GCNT2: variants seen among roughly 807,000 people sequenced by gnomAD.
The protein encoded by GCNT2 is N-acetyllactosaminide beta-1,6-N-acetylglucosaminyl-transferase.
Under a neutral mutation model 34.2 loss-of-function variants are expected in GCNT2, and 34 were observed. The observed-to-expected ratio is 1.00, with a 90% CI of 0.76 to 1.32. GCNT2 has a LOEUF of 1.32. GCNT2 is among the 40% of genes most tolerant of loss of function. GCNT2 has a pLI of 0.00. For synonymous variants in GCNT2, 212 were observed against 188.0 expected (o/e 1.13, Z -1.04); for missense variants, 584 against 489.4 (o/e 1.19, Z -1.82).
intron 3 of GCNT2, among the ~76,000 whole-genome samples, chr6:10,551,488 C>T (rs1438816221): frequency 6.6e-6 from 1 of 150,604 alleles, no homozygotes. Context: ...CTCCGTTGCC[C>T]AGGCTGGAGT....
At chr6:10,583,480 C>G (rs1764211372) in intron 3 of GCNT2, among the ~76,000 whole-genome samples, 1 of 152,100 alleles carries the variant, frequency 6.6e-6, no homozygotes, top group South Asian at 2.1e-4. Flanking sequence ...GTTAATTTCT[C>G]CCTTGGAAGT....
chr6:10,626,579 C>T lies in GCNT2; in HGVS notation c.1181C>T (p.Thr394Ile). 1 of 1,613,790 alleles carries T rather than the reference C, an allele frequency of 6.2e-7. No homozygotes were observed. The highest frequency in any genetic ancestry group is 8.5e-7 in the Non-Finnish European group (1 of 1,179,714). The change falls in exon 5 of 5, where the codon ACT becomes ATT. Residue 394 changes from threonine to isoleucine, a missense_variant. By Grantham distance (89) the Thr-to-Ile change is moderately conservative (BLOSUM62 -1). Transcript: ENST00000495262. ...GAAAGAACCCTCAATCAGAGTGAAACTGCGATACAACCCAGCTGGTATTTT... is the reference window on the plus strand; with the variant it reads ...GAAAGAACCCTCAATCAGAGTGAAATTGCGATACAACCCAGCTGGTATTTT... ...HRERTLNQSE[T>I]AIQPSWYF
chr6:10,621,591 A>G, intron 4 of GCNT2, 148 bp downstream of exon 4: 1 of 681,158 alleles, frequency 1.5e-6, no homozygotes, highest in Non-Finnish European at 2.7e-6. Flanking sequence ...GCTTCAAGAC[A>G]CAGTCCTTCA....
chr6:10,588,118 T>TA (rs1764437485), intron 3 of GCNT2, among the ~76,000 whole-genome samples: 1 of 152,076 alleles, frequency 6.6e-6, no homozygotes, highest in South Asian at 2.1e-4. Flanking sequence ...AAAATCTACT[T>TA]AGAGAGGGAC....
chr6:10,596,775 T>A (rs1051389478), intron 3 of GCNT2, among the ~76,000 whole-genome samples: 3 of 152,076 alleles, frequency 2.0e-5, no homozygotes, highest in South Asian at 4.1e-4. Flanking sequence ...TGTTTGAATA[T>A]AGAATTGACA....
At chr6:10,592,521 C>T (rs1764693842) in intron 3 of GCNT2, among the ~76,000 whole-genome samples, 1 of 152,052 alleles carries the variant, frequency 6.6e-6, no homozygotes, top group Admixed American at 6.6e-5. Flanking sequence ...AAACCTTAGG[C>T]AGGTTATAAA....
intron 3 of GCNT2, among the ~76,000 whole-genome samples, chr6:10,553,205 G>A (rs1762554639): frequency 6.6e-6 from 1 of 152,208 alleles, no homozygotes; most frequent in African/African-American, 2.4e-5. Flanking sequence ...ATGCAGGAGG[G>A]AATGTGTACA....
intron 3 of GCNT2, among the ~76,000 whole-genome samples, chr6:10,591,928 A>ATC (rs1764664692): frequency 6.6e-6 from 1 of 152,030 alleles, no homozygotes; most frequent in Non-Finnish European, 1.5e-5. Context: ...GGTGTGGCTG[A>ATC]ATCAGTCCCA....
At chr6:10,608,741 G>A (rs1298390763) in intron 3 of GCNT2, among the ~76,000 whole-genome samples, 1 of 152,210 alleles carries the variant, frequency 6.6e-6, no homozygotes, top group Non-Finnish European at 1.5e-5. Flanking sequence ...ACAAGGTTGA[G>A]CATGTTTTCT....
chr6:10,545,386 AAACT>A (rs1762227157), intron 3 of GCNT2, among the ~76,000 whole-genome samples: 1 of 152,088 alleles, frequency 6.6e-6, no homozygotes, highest in African/African-American at 2.4e-5. Flanking sequence ...AAGCCAGCTC[AAACT>A]TCCTTAGTGA....
intron 3 of GCNT2, among the ~76,000 whole-genome samples, chr6:10,575,875 G>T (rs533838830): frequency 6.6e-6 from 1 of 152,044 alleles, no homozygotes; most frequent in Admixed American, 6.5e-5. Context: ...GCCCGCCAGA[G>T]AACAAACCCC....
intron 3 of GCNT2, among the ~76,000 whole-genome samples, chr6:10,552,220 G>A (rs867619886): frequency 6.6e-6 from 1 of 151,960 alleles, no homozygotes; most frequent in Non-Finnish European, 1.5e-5. Context: ...TCTTTGTTAC[G>A]GGAGGATTGT....
chr6:10,537,632 C>T lies in GCNT2; in HGVS notation c.925+7796C>T, dbSNP rs764891927. Among the ~76,000 whole-genome samples the T allele has an allele frequency of 5.9e-4, 76 of 128,226 alleles. 1 individual carries two copies. Among genetic ancestry groups the T allele is most frequent in the Admixed American group, 1.9e-4 (2 of 10,416 alleles). 84.1% of individuals were successfully genotyped at this position (128,226 alleles called of 152,430 possible). A position where few individuals can be genotyped will look rare whatever the true frequency, so the allele number is the denominator to read the frequency against. ...AGGGGAATCGCTTAAACCCGGGAGG[C>T]GGAGGTTGCAGTGAGCCGAGATTGT... On this transcript the variant is annotated intron_variant, in intron 3 of 4. Coordinates refer to ENST00000495262, the MANE Select transcript of GCNT2 (RefSeq NM_145649.5).
intron 3 of GCNT2, among the ~76,000 whole-genome samples, chr6:10,539,368 T>C (rs1344151429): frequency 6.6e-6 from 1 of 151,754 alleles, no homozygotes; most frequent in East Asian, 1.9e-4. Context: ...TTTGTATTTT[T>C]AGTAGAGACG....
At chr6:10,582,185 A>T (rs1764107868) in intron 3 of GCNT2, among the ~76,000 whole-genome samples, 1 of 129,734 alleles carries the variant, frequency 7.7e-6, no homozygotes, top group African/African-American at 2.9e-5. Flanking sequence ...TATAAAATAT[A>T]TTTTTATATA....
In GCNT2 at chr6:10,538,621, G is replaced by C. The variant is rs7770748; in HGVS notation, c.925+8785G>C. Among the ~76,000 whole-genome samples the C allele has an allele frequency of 6.0e-3, 903 of 151,454 alleles. 12 individuals carry two copies. Among genetic ancestry groups the C allele is most frequent in the African/African-American group, 0.019 (783 of 41,298 alleles). On this transcript the variant is annotated intron_variant, in intron 3 of 4. Transcript: ENST00000495262. ...AAGTGACACAGCACAACTGAGGACT[G>C]CTAATGATTTTGACTTTTTTTTGAG...
intron 3 of GCNT2, chr6:10,556,205 A>G: frequency 7.0e-7 from 1 of 1,421,336 alleles, no homozygotes; most frequent in Non-Finnish European, 9.1e-7. Context: ...GATTTAAACA[A>G]AGGAGGTTTG....
At chr6:10,525,476 C>T (rs141536036) in intron 1 of GCNT2, among the ~76,000 whole-genome samples, 1 of 152,214 alleles carries the variant, frequency 6.6e-6, no homozygotes, top group East Asian at 1.9e-4. Context: ...ATCACACAAA[C>T]GCAAGAGCCT....
chr6:10,582,409 ATAATATTTATTATATACTATAATT>A (rs1208663459), intron 3 of GCNT2, among the ~76,000 whole-genome samples: 2 of 124,548 alleles, frequency 1.6e-5, no homozygotes, highest in Non-Finnish European at 3.1e-5. Context: ...AATAAATAGT[ATAATATTTATTATATACTATAATT>A]TAATATTTAT....
Sources: gnomAD v4.1 joint callset for allele counts (sites outside exome capture counted in the v4.1 genomes callset) on GRCh38, gnomAD v4.1.1 for gene constraint, MANE v1.5 for transcripts, NCBI Gene and HGNC (gene_info 2026-07-23, HGNC 2026-07-21) for gene names.